Variants in IL1RAPL1 observed in about 807,000 individuals in gnomAD.
IL1RAPL1 encodes the protein interleukin-1 receptor accessory protein-like 1.
Under a neutral mutation model 48.4 loss-of-function variants are expected in IL1RAPL1, and 3 were observed. The observed-to-expected ratio is 0.06, with a 90% confidence interval of 0.03 to 0.16. The LOEUF (loss-of-function observed/expected upper bound fraction) is 0.16, where lower values mean the gene tolerates loss of function less well. Among genes scored for constraint, IL1RAPL1 ranks in the 10% least tolerant of loss-of-function variants. IL1RAPL1 has a pLI of 1.00. For missense variants in IL1RAPL1, 349 were observed against 530.6 expected (o/e 0.66, Z 3.36); for synonymous variants, 185 against 187.7 (o/e 0.99, Z 0.12).
chrX:29,451,324 A>G (rs1167648402), intron 5 of IL1RAPL1, among the ~76,000 whole-genome samples: 1 of 109,302 alleles, frequency 9.1e-6, no homozygotes, highest in Non-Finnish European at 1.9e-5. Context: ...CCACACAAGT[A>G]GCTGGGACTA....
intron 2 of IL1RAPL1, among the ~76,000 whole-genome samples, chrX:28,824,454 A>G (rs778977666): frequency 3.6e-5 from 4 of 110,711 alleles, no homozygotes; most frequent in Non-Finnish European, 7.6e-5. Flanking sequence ...CACAAATCCT[A>G]TGTGTCTCAA....
chrX:28,880,869 T>G (rs1922485507), intron 2 of IL1RAPL1, among the ~76,000 whole-genome samples: 1 of 112,006 alleles, frequency 8.9e-6, no homozygotes, highest in South Asian at 3.7e-4. Flanking sequence ...TGCAATTCAG[T>G]TCCCTTACTC....
intron 2 of IL1RAPL1, among the ~76,000 whole-genome samples, chrX:29,019,688 G>A (rs1569220625): frequency 8.9e-6 from 1 of 111,986 alleles, no homozygotes; most frequent in Non-Finnish European, 1.9e-5. Context: ...TTTGGTCTAC[G>A]CCATAGATAC....
intron 2 of IL1RAPL1, among the ~76,000 whole-genome samples, chrX:29,207,529 T>C (rs887677723): frequency 9.8e-5 from 11 of 112,329 alleles, no homozygotes; most frequent in African/African-American, 3.5e-4. Flanking sequence ...GTGTTGAGAA[T>C]GCTCCTGAAC....
intron 3 of IL1RAPL1, among the ~76,000 whole-genome samples, chrX:29,344,939 C>G: frequency 8.9e-6 from 1 of 112,820 alleles, no homozygotes; most frequent in East Asian, 2.8e-4. Context: ...CCTGGCCAAC[C>G]ATGTTTTAAG....
At position 29,847,235 on chromosome X, in the gene IL1RAPL1, A is replaced by T. The variant is rs182361491; in HGVS notation, c.779-70229A>T. On this transcript the variant is annotated intron_variant, in intron 6 of 10. Transcript: ENST00000378993. ...TAGCCAACAGCTTTGAAATATGCTT[A>T]TAGAAAACATTGCTTAAATCAGGAC... Among the ~76,000 whole-genome samples, 9 of 112,022 alleles carry T rather than the reference A, an allele frequency of 8.0e-5. No individual in the cohort carries two copies. The East Asian group carries it at 2.5e-3, about 32-fold the overall frequency.
intron 1 of IL1RAPL1, among the ~76,000 whole-genome samples, chrX:28,695,638 A>AT (rs1935221697): frequency 3.6e-5 from 4 of 112,003 alleles, no homozygotes; most frequent in South Asian, 7.4e-4. Flanking sequence ...CAGAAGTCCG[A>AT]TTTTTAATGA....
At chrX:29,521,934 A>C (rs1180363718) in intron 5 of IL1RAPL1, among the ~76,000 whole-genome samples, 2 of 111,052 alleles carry the variant, frequency 1.8e-5, no homozygotes, top group East Asian at 2.8e-4. Context: ...ATTACCTGCA[A>C]GTTTGCTTTT....
At chrX:29,364,603 A>T (rs1273621327) in intron 3 of IL1RAPL1, among the ~76,000 whole-genome samples, 1 of 110,053 alleles carries the variant, frequency 9.1e-6, no homozygotes, top group African/African-American at 3.3e-5. Flanking sequence ...TTTGGAAAAA[A>T]ATTGTATATG....
intron 5 of IL1RAPL1, among the ~76,000 whole-genome samples, chrX:29,553,926 CTT>C (rs749588158): frequency 1.6e-4 from 16 of 99,627 alleles, no homozygotes; most frequent in Admixed American, 2.2e-4. Context: ...ATCCAGTGGC[CTT>C]TTTTTTTTTT....
At position 28,789,351 on chromosome X, in the gene IL1RAPL1, C is replaced by T. The variant is rs767260893; in HGVS notation, c.8C>T (p.Ala3Val). ...GCCTTTAAGAGCTGGAAGATGAAAG[C>T]TCCGATTCCACACTTGATTCTCTTA... MK[A>V]PIPHLILLYA... The change falls in exon 2 of 11, where the codon GCT (alanine) becomes GTT (valine). Residue 3 changes from alanine to valine, a missense_variant. Coordinates refer to ENST00000378993, the MANE Select transcript of IL1RAPL1 (RefSeq NM_014271.4). The T allele has an allele frequency of 8.3e-7, 1 of 1,207,422 alleles. No homozygotes were observed. Among genetic ancestry groups the T allele is most frequent in the South Asian group, 1.8e-5 (1 of 56,902 alleles).
intron 5 of IL1RAPL1, among the ~76,000 whole-genome samples, chrX:29,457,334 G>C (rs924774308): frequency 1.8e-5 from 2 of 109,521 alleles, no homozygotes; most frequent in African/African-American, 6.7e-5. Flanking sequence ...GATGTTTTTT[G>C]ACCCTTCTTC....
chrX:29,754,645 C>T (rs1330342870), intron 6 of IL1RAPL1, among the ~76,000 whole-genome samples: 2 of 112,206 alleles, frequency 1.8e-5, no homozygotes, highest in African/African-American at 6.5e-5. Flanking sequence ...CCTTTCCAGC[C>T]TCCTTTAGCT....
chrX:29,586,987 T>TC (rs34857378), intron 5 of IL1RAPL1, among the ~76,000 whole-genome samples: 7 of 110,842 alleles, frequency 6.3e-5, no homozygotes, highest in Non-Finnish European at 1.3e-4. Context: ...ACAGTTTTTT[T>TC]CTTTCAGATT....
chrX:29,938,003 A>G (rs749992000), intron 8 of IL1RAPL1, among the ~76,000 whole-genome samples: 4 of 111,899 alleles, frequency 3.6e-5, no homozygotes, highest in Non-Finnish European at 5.6e-5. Context: ...TTCATGTGAC[A>G]CAAGACTGTT....
chrX:29,014,633 C>G (rs959022407), intron 2 of IL1RAPL1, among the ~76,000 whole-genome samples: 1 of 111,602 alleles, frequency 9.0e-6, no homozygotes. Context: ...TTTCAAGAAG[C>G]CATTTTTTAT....
chrX:29,592,354 A>T (rs1157143711), intron 5 of IL1RAPL1, among the ~76,000 whole-genome samples: 1 of 111,208 alleles, frequency 9.0e-6, no homozygotes, highest in Non-Finnish European at 1.9e-5. Context: ...GAACTGCTTG[A>T]ATTTCATGTC....
intron 3 of IL1RAPL1, among the ~76,000 whole-genome samples, chrX:29,307,845 T>G (rs1932649589): frequency 8.9e-6 from 1 of 112,284 alleles, no homozygotes; most frequent in Admixed American, 9.5e-5. Context: ...TTAGAACTGA[T>G]GAAATCTGGA....
chrX:28,817,158 A>G (rs1240290368), intron 2 of IL1RAPL1, among the ~76,000 whole-genome samples: 1 of 110,908 alleles, frequency 9.0e-6, no homozygotes, highest in East Asian at 2.8e-4. Context: ...AATTATTGTG[A>G]TGGTAAAGGG....
Sources: gnomAD v4.1 joint callset for allele counts (sites outside exome capture counted in the v4.1 genomes callset) on GRCh38, gnomAD v4.1.1 for gene constraint, MANE v1.5 for transcripts, NCBI Gene and HGNC (gene_info 2026-07-23, HGNC 2026-07-21) for gene names.